Variants in UBXN2A observed in about 807,000 individuals in gnomAD.
The protein encoded by UBXN2A is UBX domain-containing protein 2A.
UBXN2A carries 28 observed loss-of-function variants against 28.4 expected under a neutral mutation model. That is an observed-to-expected ratio of 0.99 (90% CI 0.73 to 1.35). The LOEUF is 1.35. UBXN2A is among the 40% of genes most tolerant of loss of function. The pLI is 0.00. For missense variants in UBXN2A, 253 were observed against 297.9 expected, an observed-to-expected ratio of 0.85 and a Z score of 1.11; for synonymous variants, 97 against 103.6, an observed-to-expected ratio of 0.94 and a Z score of 0.39.
At chr2:23,996,465 T>C (rs1303686751) in intron 6 of UBXN2A, among the ~76,000 whole-genome samples, 2 of 151,304 alleles carry the variant, frequency 1.3e-5, no homozygotes, top group East Asian at 3.9e-4. Flanking sequence ...GTTTTCTTTT[T>C]TCTTTTTCTT....
intron 3 of UBXN2A, among the ~76,000 whole-genome samples, chr2:23,972,473 A>AG (rs1373753867): frequency 6.6e-6 from 1 of 152,170 alleles, no homozygotes; most frequent in Non-Finnish European, 1.5e-5. Context: ...TATACTTCCA[A>AG]GGGGAAAAAA....
intron 1 of UBXN2A, among the ~76,000 whole-genome samples, chr2:23,945,179 G>C (rs1706005758): frequency 1.3e-5 from 2 of 152,100 alleles, no homozygotes; most frequent in South Asian, 4.2e-4. Context: ...GTCAGCCCTG[G>C]AATGACTCAA....
At chr2:23,974,278 A>G (rs1321346416) in intron 3 of UBXN2A, among the ~76,000 whole-genome samples, 2 of 151,230 alleles carry the variant, frequency 1.3e-5, no homozygotes, top group East Asian at 3.9e-4. Flanking sequence ...CAGCCTCCCA[A>G]AGTGCTAGGA....
rs757766899 is a variant in UBXN2A, at chr2:24,000,032, G to A, written c.*165G>A. 6.3e-6 allele frequency: 4 copies of A among 638,780 alleles called. No individual in the cohort carries two copies. Among genetic ancestry groups the A allele is most frequent in the South Asian group, 2.4e-5 (1 of 41,960 alleles). The allele number at this position is 638,780 out of a possible 1,614,324, so 39.6% of individuals were successfully genotyped here. A position where few individuals can be genotyped will look rare whatever the true frequency, so the allele number is the denominator to read the frequency against. ...GTTTAGATAAGTACAAGTTAAGAAA[G>A]TAGCATATGACTGGAAACTATATTC... is the stretch of plus-strand genomic sequence containing the variant. On this transcript the variant is annotated 3_prime_UTR_variant, in exon 7 of 7. Coordinates refer to ENST00000309033, the MANE Select transcript of UBXN2A (RefSeq NM_181713.4).
At chr2:23,968,760 G>A (rs562256045) in intron 2 of UBXN2A, among the ~76,000 whole-genome samples, 59 of 150,750 alleles carry the variant, frequency 3.9e-4, no homozygotes, top group African/African-American at 1.4e-3. Flanking sequence ...CTTTATAAAA[G>A]TATTATTTAT....
At chr2:23,987,574 G>A (rs949168380) in intron 6 of UBXN2A, among the ~76,000 whole-genome samples, 1 of 151,114 alleles carries the variant, frequency 6.6e-6, no homozygotes, top group African/African-American at 2.4e-5. Context: ...GTCAGGAGAT[G>A]GAGACCATCC....
intron 1 of UBXN2A, among the ~76,000 whole-genome samples, chr2:23,931,161 AG>A (rs1368197570): frequency 6.6e-6 from 1 of 151,262 alleles, no homozygotes; most frequent in Non-Finnish European, 1.5e-5. Flanking sequence ...CAAAAAAAAA[AG>A]GGGGGCTGGG....
rs547409864 is a variant in UBXN2A, at chr2:23,930,281, T to C, written c.-138+2666T>C. 1.4e-4 allele frequency among the ~76,000 whole-genome samples: 22 copies of C among 152,144 alleles called. 1 individual carries two copies. The highest frequency in any genetic ancestry group is 2.4e-4 in the Non-Finnish European group (16 of 67,994). On this transcript the variant is annotated intron_variant, in intron 1 of 7. Transcript: ENST00000404924. ...AGTGAGTCCCTGTCTCTAGAAAATA[T>C]ATAAGTAAATAAATAAATCCAACTG... is the stretch of plus-strand genomic sequence containing the variant.
intron 2 of UBXN2A, among the ~76,000 whole-genome samples, chr2:23,958,693 A>G (rs1706758158): frequency 2.0e-5 from 3 of 152,230 alleles, no homozygotes; most frequent in Non-Finnish European, 2.9e-5. Flanking sequence ...TTGGAGTCAG[A>G]TAAACCTAGG....
chr2:23,964,173 A>C (rs79917317), intron 2 of UBXN2A, among the ~76,000 whole-genome samples: 5,750 of 151,752 alleles, frequency 0.038, 107 homozygotes, highest in Admixed American at 0.045. Context: ...ATGAATGGGT[A>C]AAGAATATAT....
chr2:23,969,607 C>T (rs957855863), intron 2 of UBXN2A, among the ~76,000 whole-genome samples: 23 of 151,808 alleles, frequency 1.5e-4, no homozygotes, highest in African/African-American at 2.4e-4. Context: ...ATGATCCTCC[C>T]GCCTTGGCCT....
chr2:23,941,418 A>C (rs1249375094), intron 1 of UBXN2A, among the ~76,000 whole-genome samples: 1 of 152,200 alleles, frequency 6.6e-6, no homozygotes, highest in African/African-American at 2.4e-5. Context: ...AAATTCAGTG[A>C]ATACAGAGTA....
At chr2:23,961,119 G>T (rs1409502477) in intron 2 of UBXN2A, among the ~76,000 whole-genome samples, 4 of 151,250 alleles carry the variant, frequency 2.6e-5, no homozygotes, top group East Asian at 1.9e-4. Flanking sequence ...TTTTGAGACG[G>T]AGTTTTGCTC....
chr2:23,950,747 A>G (rs188463916), intron 1 of UBXN2A, among the ~76,000 whole-genome samples: 2 of 145,104 alleles, frequency 1.4e-5, no homozygotes, highest in Admixed American at 1.3e-4. Flanking sequence ...TCTTACGCCC[A>G]GGCTGGAGTG....
rs1376345903 is a variant in UBXN2A, at chr2:23,971,414, G to A, written c.180G>A (p.Gln60=). 3 of 1,531,766 alleles carry A rather than the reference G, an allele frequency of 2.0e-6. No individual in the cohort carries two copies. Among genetic ancestry groups the A allele is most frequent in the Non-Finnish European group, 2.7e-6 (3 of 1,128,900 alleles). 94.9% of individuals were successfully genotyped at this position (1,531,766 alleles called of 1,614,324 possible). The change falls in exon 3 of 7, where the codon CAG becomes CAA. Residue 60 remains glutamine, a splice_region_variant and synonymous_variant. Transcript: ENST00000309033. ...TGTCTCCCGCTGAACAGAAGAAACA[G>A]GTAAATAAATGTCTATTACTTTTCT... ...KCVSPAEQKK[Q]VDVNIKLWKN...
At position 23,970,427 on chromosome 2, in the gene UBXN2A, G is replaced by A. The variant is rs1707366351; in HGVS notation, c.42-849G>A. ...GGTTGTTATAACACTGGGGATTGGG[G>A]ATGGGGCAGGGATGTGCATCCTACT... is the stretch of plus-strand genomic sequence containing the variant. On this transcript the variant is annotated intron_variant, in intron 2 of 6. Coordinates refer to ENST00000309033, the MANE Select transcript of UBXN2A (RefSeq NM_181713.4). Among the ~76,000 whole-genome samples, 3 of 152,116 alleles carry A rather than the reference G, an allele frequency of 2.0e-5. No homozygotes were observed. The South Asian group carries it at 6.2e-4, about 31-fold the overall frequency.
At chr2:23,975,535 G>A (rs1352645776) in intron 3 of UBXN2A, among the ~76,000 whole-genome samples, 4 of 152,064 alleles carry the variant, frequency 2.6e-5, no homozygotes, top group Admixed American at 6.6e-5. Context: ...ACTCTGATTC[G>A]CTTTTTAAAT....
intron 1 of UBXN2A, among the ~76,000 whole-genome samples, chr2:23,928,856 T>C (rs928597226): frequency 6.6e-6 from 1 of 152,156 alleles, no homozygotes; most frequent in South Asian, 2.1e-4. Flanking sequence ...CCACATCCTC[T>C]CCTGGACACT....
chr2:23,976,520 C>T (rs1194228835), intron 3 of UBXN2A, among the ~76,000 whole-genome samples: 1 of 152,124 alleles, frequency 6.6e-6, no homozygotes, highest in Non-Finnish European at 1.5e-5. Context: ...GGGGAGGTCT[C>T]ATAATCATGG....
Sources: allele counts gnomAD v4.1 joint callset (sites outside exome capture counted in the v4.1 genomes callset), GRCh38; gene constraint gnomAD v4.1.1; transcripts MANE v1.5; gene names NCBI Gene and HGNC (gene_info 2026-07-23, HGNC 2026-07-21).